AVEN: variants seen among roughly 807,000 people sequenced by gnomAD.
AVEN encodes the protein cell death regulator Aven.
Under a neutral mutation model 38.1 loss-of-function variants are expected in AVEN, and 41 were observed. That is an observed-to-expected ratio of 1.08 (90% confidence interval 0.84 to 1.40). The LOEUF (loss-of-function observed/expected upper bound fraction) is 1.40. Ranked by LOEUF, AVEN falls within the 40% of genes most tolerant of loss-of-function variation. AVEN has a pLI of 0.00. For synonymous variants in AVEN, 206 were observed against 171.8 expected (o/e 1.20, Z -1.56); for missense variants, 605 against 438.8 (o/e 1.38, Z -3.38).
chr15:33,975,383 A>C (rs1018808591), intron 2 of AVEN, among the ~76,000 whole-genome samples: 2 of 152,234 alleles, frequency 1.3e-5, no homozygotes, highest in Non-Finnish European at 2.9e-5. Context: ...CTACTTAGCT[A>C]TGCGGAATGC....
downstream of AVEN, chr15:33,858,094 A>G: frequency 1.2e-6 from 1 of 815,740 alleles, no homozygotes; most frequent in Non-Finnish European, 1.9e-6. Flanking sequence ...TGTCCTGGGA[A>G]GACAGAAGTG....
intron 2 of AVEN, among the ~76,000 whole-genome samples, chr15:33,943,823 TAAAA>T (rs71119905): frequency 5.6e-5 from 5 of 88,872 alleles, no homozygotes; most frequent in African/African-American, 8.2e-5. Context: ...ACTCCGTCTT[TAAAA>T]AAAAAAAAAA....
Position 34,038,808 on chromosome 15 carries a change from C to T in AVEN, c.239G>A (p.Gly80Glu), listed in dbSNP as rs1388062150. 3.4e-6 allele frequency: 4 copies of T among 1,193,372 alleles called. No homozygotes were observed. The highest frequency in any genetic ancestry group is 1.6e-5 in the African/African-American group (1 of 61,366). The allele number at this position is 1,193,372 out of a possible 1,614,324, so 73.9% of individuals were successfully genotyped here. A position where few individuals can be genotyped will look rare whatever the true frequency, so the allele number is the denominator to read the frequency against. ...GAPRGSRREPGGWGAGASAPV... is the reference protein window; with the variant it reads ...GAPRGSRREPEGWGAGASAPV... ...CGCGCTGGCCCCTGCGCCCCAGCCTCCCGGCTCCCGGCGGCTGCCTCGCGG... is the reference window on the plus strand; with the variant it reads ...CGCGCTGGCCCCTGCGCCCCAGCCTTCCGGCTCCCGGCGGCTGCCTCGCGG... Residue 80 changes from glycine to glutamate, a missense_variant, in exon 1 of 6, where the codon GGA becomes GAA. By Grantham distance (98) the Gly-to-Glu change is moderately conservative (BLOSUM62 -2). Transcript: ENST00000306730.
At chr15:34,001,792 A>G (rs2140621746) in intron 2 of AVEN, among the ~76,000 whole-genome samples, 1 of 152,330 alleles carries the variant, frequency 6.6e-6, no homozygotes, top group South Asian at 2.1e-4. Flanking sequence ...TTAAGTTAGA[A>G]GAGAATGCAT....
intron 4 of AVEN, chr15:34,064,175 C>G (rs757699909): frequency 5.0e-6 from 8 of 1,614,146 alleles, no homozygotes; most frequent in Non-Finnish European, 6.8e-6. Context: ...TGTGCTATGT[C>G]AATAGCACTG....
At chr15:33,889,918 A>T (rs1891862405) in intron 2 of AVEN, among the ~76,000 whole-genome samples, 1 of 152,206 alleles carries the variant, frequency 6.6e-6, no homozygotes, top group South Asian at 2.1e-4. Context: ...ATGTGCAAAC[A>T]AATGTGCTCT....
chr15:33,897,946 T>A (rs1343162721), intron 2 of AVEN, among the ~76,000 whole-genome samples: 3 of 151,746 alleles, frequency 2.0e-5, no homozygotes, highest in African/African-American at 7.3e-5. Flanking sequence ...TCCCAGCACT[T>A]TGGGAGGTCG....
chr15:33,959,639 A>G (rs746922706), intron 2 of AVEN, among the ~76,000 whole-genome samples: 10 of 152,204 alleles, frequency 6.6e-5, no homozygotes, highest in Non-Finnish European at 2.9e-5. Flanking sequence ...AAGAATAAGC[A>G]ACAAGAAAGG....
chr15:33,921,367 G>C (rs1642090591), intron 2 of AVEN, among the ~76,000 whole-genome samples: 1 of 152,184 alleles, frequency 6.6e-6, no homozygotes, highest in South Asian at 2.1e-4. Flanking sequence ...AAAAGAGTCT[G>C]CTGCAAATTG....
chr15:33,924,749 T>A (rs1597237051), intron 2 of AVEN, among the ~76,000 whole-genome samples: 2 of 152,360 alleles, frequency 1.3e-5, no homozygotes, highest in East Asian at 3.9e-4. Context: ...GATGTAAGCT[T>A]TCAGAGTACC....
At chr15:33,868,005 T>G in intron 4 of AVEN, 150 bp from the exon 5 acceptor site, 1 of 1,080,466 alleles carries the variant, frequency 9.3e-7, no homozygotes, top group Admixed American at 3.0e-5. Context: ...TTCCAGGCCC[T>G]GGTGGGGGCA....
At position 34,046,291 on chromosome 15, in the gene AVEN, T is replaced by C. The variant is rs1372108774; in HGVS notation, n.1637+16631A>G. ...TTCCAAATCTTTTTGTGGAAAGATC[T>C]GTCCAGCAGCCTAGGAATCAGGAAA... is the stretch of plus-strand genomic sequence containing the variant. On this transcript the variant is annotated intron_variant and non_coding_transcript_variant, in intron 5 of 11. Coordinates refer to the AVEN transcript ENST00000675287. 2.7e-5 allele frequency among the ~76,000 whole-genome samples: 4 copies of C among 149,756 alleles called. No homozygotes were observed. The East Asian group carries it at 7.8e-4, about 29-fold the overall frequency.
chr15:33,968,176 T>A (rs1237288187), intron 2 of AVEN, among the ~76,000 whole-genome samples: 1 of 130,502 alleles, frequency 7.7e-6, no homozygotes, highest in East Asian at 2.6e-4. Flanking sequence ...TCAAAAGCAT[T>A]TTGGAACCTT....
At chr15:33,860,396 G>A (rs939690018) in intron 11 of AVEN, among the ~76,000 whole-genome samples, 1 of 152,194 alleles carries the variant, frequency 6.6e-6, no homozygotes, top group Non-Finnish European at 1.5e-5. Flanking sequence ...ACTGCATGGT[G>A]TAGAAAGGTA....
intron 2 of AVEN, among the ~76,000 whole-genome samples, chr15:33,995,300 T>G (rs1896887629): frequency 6.6e-6 from 1 of 151,988 alleles, no homozygotes; most frequent in Non-Finnish European, 1.5e-5. Flanking sequence ...TATTTTAAAA[T>G]AACAATACAA....
upstream of AVEN, among the ~76,000 whole-genome samples, chr15:34,043,775 A>C (rs914626575): frequency 2.6e-5 from 4 of 152,194 alleles, no homozygotes; most frequent in African/African-American, 2.4e-5. Flanking sequence ...CCTCACTCTC[A>C]GCTGCTGACT....
At chr15:33,858,112 T>C (rs1004367915), downstream of AVEN, 3 of 684,370 alleles carry the variant, frequency 4.4e-6, no homozygotes, top group Admixed American at 3.0e-5. Flanking sequence ...GTGATGGAGG[T>C]AGTTTTCATT....
intron 5 of AVEN, among the ~76,000 whole-genome samples, chr15:34,055,424 G>T (rs1476803852): frequency 6.6e-6 from 1 of 152,064 alleles, no homozygotes; most frequent in Non-Finnish European, 1.5e-5. Context: ...AGAATCTCCT[G>T]GATCCGGGAG....
Position 34,063,107 on chromosome 15 carries a change from T to C in AVEN, n.1452A>G, listed in dbSNP as rs1900404894. 1 of 1,614,202 alleles carries C rather than the reference T, an allele frequency of 6.2e-7. No individual in the cohort carries two copies. The highest frequency in any genetic ancestry group is 8.5e-7 in the Non-Finnish European group (1 of 1,180,030). On this transcript the variant is annotated non_coding_transcript_exon_variant, in exon 5 of 12. Coordinates refer to the AVEN transcript ENST00000675287. This position sits in a 1 kb window ranked among gnomAD's most constrained non-coding sequence, Gnocchi z 4.1. ...TGGTGATCAGTTTTGACCGTTACTTTTCCATCACAAGACCCTTGACATATC... is the reference window on the plus strand; with the variant it reads ...TGGTGATCAGTTTTGACCGTTACTTCTCCATCACAAGACCCTTGACATATC...
Sources: gnomAD v4.1 joint callset for allele counts (sites outside exome capture counted in the v4.1 genomes callset) on GRCh38, gnomAD v4.1.1 for gene constraint, Gnocchi (gnomAD v3.1) non-coding constraint, MANE v1.5 for transcripts, NCBI Gene and HGNC (gene_info 2026-07-23, HGNC 2026-07-21) for gene names.